Variants in TRHDE observed in about 807,000 individuals in gnomAD.
TRHDE encodes thyrotropin-releasing hormone-degrading ectoenzyme.
Under a neutral mutation model 125.7 loss-of-function variants are expected in TRHDE, and 72 were observed. That is an observed-to-expected ratio of 0.57 (90% CI 0.47 to 0.70). The LOEUF (loss-of-function observed/expected upper bound fraction) is 0.70, where lower values mean the gene tolerates loss of function less well. Ranked by LOEUF, TRHDE falls within the 30% of genes least tolerant of loss-of-function variation. TRHDE has a pLI of 0.00. For missense variants in TRHDE, 1,110 were observed against 1,327.1 expected, an observed-to-expected ratio of 0.84 and a Z score of 2.54; for synonymous variants, 509 against 509.1, an observed-to-expected ratio of 1.00 and a Z score of 0.00.
intron 2 of TRHDE, among the ~76,000 whole-genome samples, chr12:72,109,353 C>T (rs966043630): frequency 6.6e-5 from 10 of 151,972 alleles, no homozygotes; most frequent in African/African-American, 2.4e-4. Context: ...TGTGATTTCT[C>T]CTGAGGTTTC....
intron 2 of TRHDE, among the ~76,000 whole-genome samples, chr12:72,304,070 C>T (rs191475846): frequency 3.9e-5 from 6 of 152,178 alleles, no homozygotes; most frequent in Non-Finnish European, 5.9e-5. Context: ...TCACATAGCT[C>T]GTGGATGTTA....
intron 3 of TRHDE, among the ~76,000 whole-genome samples, chr12:72,443,349 C>T (rs1258150935): frequency 1.3e-5 from 2 of 151,496 alleles, no homozygotes; most frequent in Non-Finnish European, 3.0e-5. Context: ...TTTTTGTGTT[C>T]CATGATTGAA....
rs552172462 is a variant in TRHDE at position 72,668,231 on chromosome 12, T to G, written c.*5036T>G. The stretch of plus-strand genomic sequence containing the variant: ...AAATGTACTTCAGTAGTTTTATTTT[T>G]ATTTTGTGAAATTTTATTTTAAAGT... On this transcript the variant is annotated 3_prime_UTR_variant, in exon 19 of 19. Coordinates refer to ENST00000261180, the MANE Select transcript of TRHDE (RefSeq NM_013381.3). 1 of 151,794 alleles carries G rather than the reference T, an allele frequency of 6.6e-6. No individual in the cohort carries two copies. Among genetic ancestry groups the G allele is most frequent in the Non-Finnish European group, 1.5e-5 (1 of 67,786 alleles). 9.4% of individuals were successfully genotyped at this position (151,794 alleles called of 1,614,324 possible). A position where few individuals can be genotyped will look rare whatever the true frequency, so the allele number is the denominator to read the frequency against.
intron 3 of TRHDE, among the ~76,000 whole-genome samples, chr12:72,443,427 CTA>C (rs928757923): frequency 4.6e-5 from 7 of 151,666 alleles, no homozygotes; most frequent in Non-Finnish European, 1.0e-4. Context: ...TGTACTTAAA[CTA>C]TGTTTCATGA....
rs1241752134 is a variant in TRHDE at position 72,511,595 on chromosome 12, G to A, written c.1722+11960G>A. Reference sequence around the variant, plus strand: ...TTGCCTTCATAAAGAAAATGTACATGGTGGGAGGAGATAGTTTTATTGATA... The same window carrying A: ...TTGCCTTCATAAAGAAAATGTACATAGTGGGAGGAGATAGTTTTATTGATA... On this transcript the variant is annotated intron_variant, in intron 6 of 18. Transcript: ENST00000261180. Among the ~76,000 whole-genome samples the A allele has an allele frequency of 4.6e-5, 7 of 152,086 alleles. No homozygotes were observed. In the South Asian group the frequency reaches 1.0e-3, roughly 23 times the overall value.
chr12:72,403,308 A>G (rs1001757495), intron 3 of TRHDE, among the ~76,000 whole-genome samples: 1 of 152,248 alleles, frequency 6.6e-6, no homozygotes, highest in Admixed American at 6.5e-5. Flanking sequence ...TGAGAAATAC[A>G]GGGAACATTC....
At chr12:72,476,333 C>G (rs572967661) in intron 5 of TRHDE, among the ~76,000 whole-genome samples, 1 of 152,024 alleles carries the variant, frequency 6.6e-6, no homozygotes, top group Admixed American at 6.6e-5. Context: ...AACAAATTGC[C>G]CCTCCATATA....
At chr12:72,364,038 A>T (rs1296077479) in intron 2 of TRHDE, among the ~76,000 whole-genome samples, 1 of 152,098 alleles carries the variant, frequency 6.6e-6, no homozygotes, top group Non-Finnish European at 1.5e-5. Flanking sequence ...CAAAGAGAAT[A>T]AAATAGCTAG....
At chr12:72,478,531 AT>A (rs1877003763) in intron 5 of TRHDE, among the ~76,000 whole-genome samples, 1 of 152,146 alleles carries the variant, frequency 6.6e-6, no homozygotes, top group Admixed American at 6.6e-5. Flanking sequence ...GAATAGAAAC[AT>A]GTTTTTCCGT....
intron 2 of TRHDE, chr12:72,263,393 G>A (rs1024739474): frequency 1.4e-5 from 2 of 141,254 alleles, no homozygotes; most frequent in African/African-American, 6.0e-5. Context: ...TAGTGTGTGT[G>A]CATGTTTTGT....
At chr12:72,112,931 G>A (rs1364027624) in intron 2 of TRHDE, among the ~76,000 whole-genome samples, 1 of 152,182 alleles carries the variant, frequency 6.6e-6, no homozygotes, top group African/African-American at 2.4e-5. Context: ...TCACCAAAGG[G>A]CAGCCATTAC....
chr12:72,561,267 C>T (rs929725622), intron 7 of TRHDE, among the ~76,000 whole-genome samples: 8 of 152,108 alleles, frequency 5.3e-5, no homozygotes, highest in African/African-American at 1.9e-4. Context: ...CATAAAAGTA[C>T]TGAAGGAGTC....
chr12:72,185,088 G>A (rs1003425394), intron 2 of TRHDE, among the ~76,000 whole-genome samples: 1 of 152,204 alleles, frequency 6.6e-6, no homozygotes, highest in Non-Finnish European at 1.5e-5. Flanking sequence ...TTGCGGGCCA[G>A]CTGGAGTTCT....
chr12:72,449,203 TTA>T (rs1490974975), intron 3 of TRHDE, among the ~76,000 whole-genome samples: 1 of 151,972 alleles, frequency 6.6e-6, no homozygotes, highest in African/African-American at 2.4e-5. Context: ...GCCAAAAAAT[TTA>T]TGTTTGAAAT....
At chr12:72,563,304 AT>A (rs1565791497) in intron 9 of TRHDE, among the ~76,000 whole-genome samples, 1 of 152,150 alleles carries the variant, frequency 6.6e-6, no homozygotes, top group Non-Finnish European at 1.5e-5. Context: ...ATAAAATGTT[AT>A]TTTTCACTTT....
At chr12:72,483,036 T>A (rs1368748612) in intron 5 of TRHDE, among the ~76,000 whole-genome samples, 1 of 151,978 alleles carries the variant, frequency 6.6e-6, no homozygotes, top group Non-Finnish European at 1.5e-5. Context: ...CTGGCATATT[T>A]GGGCTCTTCA....
At chr12:72,440,482 T>C (rs1318472264) in intron 3 of TRHDE, among the ~76,000 whole-genome samples, 1 of 151,898 alleles carries the variant, frequency 6.6e-6, no homozygotes, top group East Asian at 1.9e-4. Flanking sequence ...CTGTTTTTCG[T>C]TTTGTAGAGG....
upstream of TRHDE, chr12:72,272,105 TGTGGCCGCC>T: frequency 2.2e-6 from 1 of 457,356 alleles, no homozygotes; most frequent in Admixed American, 2.3e-5. The surrounding 1 kb of genome is among the most constrained non-coding windows in gnomAD (Gnocchi z 6.7). Flanking sequence ...CCTCCCGTGC[TGTGGCCGCC>T]GTCACTGCTG....
chr12:72,291,082 C>G (rs915219466), intron 2 of TRHDE, among the ~76,000 whole-genome samples: 7 of 152,202 alleles, frequency 4.6e-5, no homozygotes, highest in Non-Finnish European at 1.0e-4. Flanking sequence ...CAGTGGGTCT[C>G]ATCCCATTAC....
Sources: gnomAD v4.1 joint callset for allele counts (sites outside exome capture counted in the v4.1 genomes callset) on GRCh38, gnomAD v4.1.1 for gene constraint, Gnocchi (gnomAD v3.1) non-coding constraint, MANE v1.5 for transcripts, NCBI Gene and HGNC (gene_info 2026-07-23, HGNC 2026-07-21) for gene names.